HAGH: variants seen among roughly 807,000 people sequenced by gnomAD.
HAGH encodes hydroxyacylglutathione hydrolase, also known as hydroxyacylglutathione hydrolase, mitochondrial.
HAGH carries 29 observed loss-of-function variants against 35.1 expected under a neutral mutation model. That is an observed-to-expected ratio of 0.83 (90% CI 0.62 to 1.13). The LOEUF is 1.13. HAGH is among the 50% of genes most tolerant of loss of function. The probability of loss-of-function intolerance (pLI) is 0.00; values close to 1 mark genes in which losing one functional copy is unlikely to be tolerated. For missense variants in HAGH, 478 were observed against 419.6 expected (o/e 1.14, Z -1.22); for synonymous variants, 225 against 176.1 (o/e 1.28, Z -2.20).
intron 7 of HAGH, among the ~76,000 whole-genome samples, chr16:1,812,774 T>G (rs896289518): frequency 4.6e-5 from 7 of 152,200 alleles, no homozygotes; most frequent in African/African-American, 1.4e-4. Flanking sequence ...AAGATACTGC[T>G]AAGAAAACCA....
Position 1,809,330 on chromosome 16 carries a change from G to C in HAGH, c.880C>G (p.Arg294Gly). The C allele has an allele frequency of 1.2e-6, 2 of 1,613,570 alleles. No homozygotes were observed. Among genetic ancestry groups the C allele is most frequent in the Non-Finnish European group, 1.7e-6 (2 of 1,179,830 alleles). The stretch of plus-strand genomic sequence containing the variant: ...TGGTCCTTCTCCCTGCGCACGGCCC[G>C]CATGGTGGTCACCGGGTCCGTCTCA... ...AGETDPVTTMRAVRREKDQFK... is the reference protein window; with the variant it reads ...AGETDPVTTMGAVRREKDQFK... The change falls in exon 9 of 9, where the codon CGG becomes GGG. Residue 294 changes from arginine (R) to glycine (G), a missense_variant. Arg to Gly is a moderately radical substitution (Grantham distance 125, BLOSUM62 -2). Coordinates refer to ENST00000397356, the MANE Select transcript of HAGH (RefSeq NM_005326.6).
At chr16:1,820,562 C>T (rs1427529453) in intron 3 of HAGH, among the ~76,000 whole-genome samples, 1 of 152,190 alleles carries the variant, frequency 6.6e-6, no homozygotes, top group African/African-American at 2.4e-5. Context: ...GCAGGGGAGG[C>T]CAGCCTGGGC....
chr16:1,811,985 G>A (rs9935687), intron 7 of HAGH, among the ~76,000 whole-genome samples: 116,828 of 151,662 alleles, frequency 0.77, 45,060 homozygotes, highest in Middle Eastern at 0.85. Flanking sequence ...GAGCCCAGAA[G>A]TTCAAGACCA....
rs1251480333 is a variant in HAGH, at chr16:1,820,412, T to C, written c.315-398A>G. On this transcript the variant is annotated intron_variant, in intron 3 of 8. Transcript: ENST00000397356. ...AGGGCATGGCCTGGGGGTGGATTTTTGATTTTTGAAGGCCCCCAGGTGATC... is the reference window on the plus strand; with the variant it reads ...AGGGCATGGCCTGGGGGTGGATTTTCGATTTTTGAAGGCCCCCAGGTGATC... Among the ~76,000 whole-genome samples the C allele has an allele frequency of 7.9e-5, 12 of 152,210 alleles. No individual in the cohort carries two copies. The East Asian group carries it at 2.1e-3, about 27-fold the overall frequency.
intron 1 of HAGH, among the ~76,000 whole-genome samples, chr16:1,823,658 AC>A (rs912328158): frequency 3.5e-5 from 5 of 144,356 alleles, no homozygotes; most frequent in African/African-American, 1.0e-4. Context: ...CAGGAGGATC[AC>A]TTGAGCCCAG....
intron 3 of HAGH, among the ~76,000 whole-genome samples, chr16:1,820,693 G>C (rs891301390): frequency 6.6e-6 from 1 of 152,154 alleles, no homozygotes; most frequent in Non-Finnish European, 1.5e-5. Flanking sequence ...TGATATCACA[G>C]ACTCCTTCGT....
In HAGH at chr16:1,817,193, A is replaced by G. The variant is rs768151513; in HGVS notation, c.620T>C (p.Val207Ala). Residue 207 changes from valine to alanine, a missense_variant, in exon 6 of 9, where the codon GTC (valine) becomes GCC (alanine). Physicochemically the swap from Val to Ala is moderately conservative, Grantham distance 64. Coordinates refer to ENST00000397356, the MANE Select transcript of HAGH (RefSeq NM_005326.6). Reference sequence around the variant, plus strand: ...TGTGTCCGGGGGGAGCCGGCCCAAGACCTCCAGCAGAGCTTTACACATCTC... The same window carrying G: ...TGTGTCCGGGGGGAGCCGGCCCAAGGCCTCCAGCAGAGCTTTACACATCTC... ...ADEMCKALLE[V>A]LGRLPPDTRV... 1.9e-6 allele frequency: 3 copies of G among 1,611,804 alleles called. No homozygotes were observed. In the East Asian group the frequency reaches 6.7e-5, roughly 36 times the overall value.
Position 1,819,168 on chromosome 16 carries a change from A to G in HAGH, c.488T>C (p.Ile163Thr), listed in dbSNP as rs765167937. 9 of 1,613,352 alleles carry G rather than the reference A, an allele frequency of 5.6e-6. No individual in the cohort carries two copies. The highest frequency in any genetic ancestry group is 7.6e-6 in the Non-Finnish European group (9 of 1,179,800). The stretch of plus-strand genomic sequence containing the variant: ...TCCGGGCTTGCTCACGAAGTAACAA[A>G]TGTGTCCTGAAGTGTGGCACGGGGT... The part of the protein sequence containing the change: ...LATPCHTSGH[I>T]CYFVSKPGGS... Residue 163 changes from isoleucine to threonine, a missense_variant, in exon 5 of 9, where the codon ATT (isoleucine) becomes ACT (threonine). By Grantham distance (89) the Ile-to-Thr change is moderately conservative (BLOSUM62 -1). Transcript: ENST00000397356.
At chr16:1,818,174 C>T (rs904390245) in intron 5 of HAGH, among the ~76,000 whole-genome samples, 3 of 152,124 alleles carry the variant, frequency 2.0e-5, no homozygotes, top group South Asian at 2.1e-4. Flanking sequence ...GCTGTCCTTG[C>T]GCCAGGCACA....
At chr16:1,824,685 G>A (rs1306030944) in intron 1 of HAGH, among the ~76,000 whole-genome samples, 2 of 152,134 alleles carry the variant, frequency 1.3e-5, no homozygotes, top group Non-Finnish European at 2.9e-5. Flanking sequence ...AGGGCCCACC[G>A]AAATGCGGAA....
Position 1,816,974 on chromosome 16 carries a change from C to G in HAGH, c.666G>C (p.Glu222Asp). 6.2e-7 allele frequency: 1 copy of G among 1,612,526 alleles called. No homozygotes were observed. ...PPDTRVYCGHEYTINNLKFAR... is the reference protein window; with the variant it reads ...PPDTRVYCGHDYTINNLKFAR... Reference sequence around the variant, plus strand: ...CAAACTTGAGGTTGTTGATGGTGTACTCGTGGCCACAGTAGACTCTCTGAG... The same window carrying G: ...CAAACTTGAGGTTGTTGATGGTGTAGTCGTGGCCACAGTAGACTCTCTGAG... The change falls in exon 7 of 9, where the codon GAG (glutamate) becomes GAC (aspartate). Residue 222 changes from glutamate (E) to aspartate (D), a missense_variant. By Grantham distance (45) the Glu-to-Asp change is conservative (BLOSUM62 2). Transcript: ENST00000397356.
At chr16:1,821,944 GTTT>G (rs1430761594) in intron 3 of HAGH, 4 of 37,128 alleles carry the variant, frequency 1.1e-4, no homozygotes, top group East Asian at 3.6e-4. Context: ...GTTTTTTTTT[GTTT>G]TTTTGTTTTT....
upstream of HAGH, chr16:1,827,189 T>C (rs775149181): frequency 3.2e-6 from 5 of 1,562,650 alleles, no homozygotes; most frequent in Non-Finnish European, 4.4e-6. Context: ...GCCGTAGGCA[T>C]CAGCTGACCG....
chr16:1,820,049 G>A (rs200238585), intron 3 of HAGH, 35 bp from the exon 4 acceptor site: 54 of 349,412 alleles, frequency 1.5e-4, no homozygotes, highest in Non-Finnish European at 2.2e-4. Context: ...GCTGCCTGCT[G>A]AGCTGAGGGG....
rs1423900118 is a variant in HAGH, at chr16:1,809,126, A to G, written c.*157T>C. ...AGTTATGGGAATAAATACTTGTTAA[A>G]CTTCTCTTATAAATATGCATTAGAA... On this transcript the variant is annotated 3_prime_UTR_variant, in exon 9 of 9. Coordinates refer to ENST00000397356, the MANE Select transcript of HAGH (RefSeq NM_005326.6). The G allele has an allele frequency of 2.4e-5, 15 of 620,350 alleles. No individual in the cohort carries two copies. The highest frequency in any genetic ancestry group is 3.8e-5 in the Non-Finnish European group (13 of 344,440). 38.4% of individuals were successfully genotyped at this position (620,350 alleles called of 1,614,324 possible).
At chr16:1,812,865 GGC>G in intron 7 of HAGH, among the ~76,000 whole-genome samples, 1 of 152,104 alleles carries the variant, frequency 6.6e-6, no homozygotes, top group African/African-American at 2.4e-5. Context: ...TCAAACGGCT[GGC>G]TCCACCGCGT....
chr16:1,811,611 G>A (rs749623582), intron 7 of HAGH, among the ~76,000 whole-genome samples: 12 of 152,158 alleles, frequency 7.9e-5, no homozygotes, highest in Non-Finnish European at 1.6e-4. Flanking sequence ...TACTTGGGAG[G>A]CTGAGGCAGG....
At position 1,826,651 on chromosome 16, in the gene HAGH, C is replaced by T. The variant is rs552202217; in HGVS notation, c.76+61G>A. On this transcript the variant is annotated intron_variant, in intron 1 of 8. Transcript: ENST00000397356. ...CGGTCGCCAAACGACGGCCCGGCGC[C>T]GCCCGCTGCCCGCCCCGCCAGGCCC... 9.2e-5 allele frequency: 89 copies of T among 964,654 alleles called. No homozygotes were observed. In the African/African-American group the frequency reaches 1.5e-3, roughly 16 times the overall value. 59.8% of individuals were successfully genotyped at this position (964,654 alleles called of 1,614,324 possible).
chr16:1,821,297 C>T (rs1898139805), intron 3 of HAGH, among the ~76,000 whole-genome samples: 1 of 152,192 alleles, frequency 6.6e-6, no homozygotes, highest in Admixed American at 6.5e-5. Flanking sequence ...CATGACGCTT[C>T]CATCAAACCT....
Sources: gnomAD v4.1 joint callset for allele counts (sites outside exome capture counted in the v4.1 genomes callset) on GRCh38, gnomAD v4.1.1 for gene constraint, MANE v1.5 for transcripts, NCBI Gene and HGNC (gene_info 2026-07-23, HGNC 2026-07-21) for gene names.